Variants in ZFPM2 observed in about 807,000 individuals in gnomAD.
ZFPM2 encodes the protein zinc finger protein ZFPM2.
A neutral mutation model predicts 98.6 loss-of-function variants in ZFPM2; 20 were observed. The observed-to-expected ratio is 0.20, with a 90% CI of 0.14 to 0.29. The LOEUF (loss-of-function observed/expected upper bound fraction) is 0.29, where lower values mean the gene tolerates loss of function less well. Among genes scored for constraint, ZFPM2 ranks in the 10% least tolerant of loss-of-function variants. ZFPM2 has a pLI of 1.00. For missense variants in ZFPM2, 1,310 were observed against 1,388.6 expected, an observed-to-expected ratio of 0.94 and a Z score of 0.90; for synonymous variants, 518 against 502.7, an observed-to-expected ratio of 1.03 and a Z score of -0.41.
At chr8:105,683,415 C>A (rs1433636781) in intron 5 of ZFPM2, among the ~76,000 whole-genome samples, 1 of 152,100 alleles carries the variant, frequency 6.6e-6, no homozygotes, top group Non-Finnish European at 1.5e-5. Context: ...GGAATCAAGA[C>A]AAATTTTTTT....
chr8:105,568,080 C>G (rs1815277382), intron 4 of ZFPM2, among the ~76,000 whole-genome samples: 1 of 152,062 alleles, frequency 6.6e-6, no homozygotes, highest in South Asian at 2.1e-4. Context: ...TTCTTCTCTT[C>G]TCCCTCTGTT....
At chr8:105,653,139 A>C (rs890068019) in intron 5 of ZFPM2, among the ~76,000 whole-genome samples, 1 of 152,216 alleles carries the variant, frequency 6.6e-6, no homozygotes, top group African/African-American at 2.4e-5. Flanking sequence ...AAGTAAGTAG[A>C]AAATGTAGTT....
intron 3 of ZFPM2, among the ~76,000 whole-genome samples, chr8:105,472,536 T>G (rs1842535): frequency 0.094 from 14,320 of 152,230 alleles, 722 homozygotes; most frequent in East Asian, 0.15. Context: ...GGAGTCTCAC[T>G]CTGTCGCCCA....
intron 5 of ZFPM2, among the ~76,000 whole-genome samples, chr8:105,675,153 A>G (rs932635419): frequency 6.6e-6 from 1 of 152,178 alleles, no homozygotes; most frequent in African/African-American, 2.4e-5. Context: ...CATGACTGGC[A>G]TGAAGGCATT....
At chr8:105,787,910 G>A (rs950547501) in intron 5 of ZFPM2, among the ~76,000 whole-genome samples, 1 of 152,166 alleles carries the variant, frequency 6.6e-6, no homozygotes, top group African/African-American at 2.4e-5. Context: ...AGATGTACTT[G>A]CATAGTTAAT....
At chr8:105,718,649 AT>A (rs554953256) in intron 5 of ZFPM2, among the ~76,000 whole-genome samples, 2 of 151,002 alleles carry the variant, frequency 1.3e-5, no homozygotes, top group East Asian at 2.0e-4. Flanking sequence ...CACAATACGC[AT>A]TTTTTTTTCT....
chr8:105,631,978 G>A (rs951736506), intron 4 of ZFPM2, among the ~76,000 whole-genome samples: 23 of 151,980 alleles, frequency 1.5e-4, no homozygotes, highest in Admixed American at 6.6e-5. Flanking sequence ...AAGATAATCT[G>A]GGAAAAATAG....
intron 3 of ZFPM2, among the ~76,000 whole-genome samples, chr8:105,506,699 T>A (rs1813705149): frequency 6.6e-6 from 1 of 152,062 alleles, no homozygotes; most frequent in Non-Finnish European, 1.5e-5. Context: ...AGAAATAAAA[T>A]CATATACATT....
chr8:105,610,348 G>T (rs1043258612), intron 4 of ZFPM2, among the ~76,000 whole-genome samples: 3 of 152,138 alleles, frequency 2.0e-5, no homozygotes, highest in Admixed American at 6.6e-5. Context: ...CATTAAAAAT[G>T]ATGTCACTGA....
At chr8:105,421,489 C>T (rs1437301726) in intron 2 of ZFPM2, among the ~76,000 whole-genome samples, 15 of 152,042 alleles carry the variant, frequency 9.9e-5, no homozygotes, top group Non-Finnish European at 2.2e-4. Flanking sequence ...TTATTTTACT[C>T]TTGCAGAATG....
chr8:105,319,574 G>T (rs1169211582), intron 1 of ZFPM2: 1 of 152,584 alleles, frequency 6.6e-6, no homozygotes, highest in Non-Finnish European at 1.5e-5. Flanking sequence ...GCGGGCGGCC[G>T]TGCGTCTCTG....
intron 1 of ZFPM2, among the ~76,000 whole-genome samples, chr8:105,397,553 T>C (rs377714068): frequency 6.6e-6 from 1 of 152,186 alleles, no homozygotes; most frequent in East Asian, 1.9e-4. Flanking sequence ...TGTTTTTTCA[T>C]GTTTAAAATT....
Position 105,802,554 on chromosome 8 carries a change from A to T in ZFPM2, c.2472A>T (p.Leu824=). 6.2e-7 allele frequency: 1 copy of T among 1,611,746 alleles called. No individual in the cohort carries two copies. The highest frequency in any genetic ancestry group is 8.5e-7 in the Non-Finnish European group (1 of 1,178,840). Residue 824 remains leucine, a synonymous_variant, in exon 8 of 8, where the codon CTA becomes CTT. Transcript: ENST00000407775. ...CTACTCATTCCAGTGTTTCCTGCCT[A>T]GAGATGGACGTGCCCATAGATCTCA... ...CDTTHSSVSC[L]EMDVPIDLSK... is the part of the protein sequence containing the mutation.
At chr8:105,358,546 A>G (rs1023710540) in intron 1 of ZFPM2, 1 of 152,244 alleles carries the variant, frequency 6.6e-6, no homozygotes, top group Non-Finnish European at 1.5e-5. Flanking sequence ...TGGTTAGCAA[A>G]GCAGAATGGT....
chr8:105,620,499 G>A (rs1816516164), intron 4 of ZFPM2, among the ~76,000 whole-genome samples: 1 of 152,100 alleles, frequency 6.6e-6, no homozygotes, highest in Admixed American at 6.6e-5. Flanking sequence ...TCACTCTGAT[G>A]GTAGTTTCTT....
At chr8:105,444,808 A>G (rs1234110450) in intron 3 of ZFPM2, among the ~76,000 whole-genome samples, 3 of 152,172 alleles carry the variant, frequency 2.0e-5, no homozygotes, top group Admixed American at 2.0e-4. Flanking sequence ...GAAAATATCA[A>G]AAGATGCCCC....
intron 1 of ZFPM2, among the ~76,000 whole-genome samples, chr8:105,401,460 A>G (rs1196191497): frequency 1.3e-5 from 2 of 152,132 alleles, no homozygotes; most frequent in African/African-American, 4.8e-5. Flanking sequence ...TCAAAGTTTA[A>G]AAGATTTTTA....
intron 3 of ZFPM2, 72 bp from the exon 4 acceptor site, chr8:105,561,291 A>G (rs1815129109): frequency 8.7e-7 from 1 of 1,152,334 alleles, no homozygotes; most frequent in South Asian, 1.3e-5. Context: ...TGTAAAGCAA[A>G]CACACAAAAA....
chr8:105,552,945 G>A (rs1163310622), intron 3 of ZFPM2, among the ~76,000 whole-genome samples: 2 of 151,124 alleles, frequency 1.3e-5, no homozygotes, highest in Non-Finnish European at 3.0e-5. Flanking sequence ...GAGTAGCTGG[G>A]ACTACAAGCT....
Sources: allele counts gnomAD v4.1 joint callset (sites outside exome capture counted in the v4.1 genomes callset), GRCh38; gene constraint gnomAD v4.1.1; transcripts MANE v1.5; gene names NCBI Gene and HGNC (gene_info 2026-07-23, HGNC 2026-07-21).